The following ACOT7 variants were observed in gnomAD, a reference collection of about 807,000 sequenced individuals.
ACOT7 encodes the protein cytosolic acyl coenzyme A thioester hydrolase.
A neutral mutation model predicts 40.2 loss-of-function variants in ACOT7; 12 were observed. The observed-to-expected ratio is 0.30, with a 90% CI of 0.19 to 0.48. ACOT7 has a LOEUF of 0.48. Ranked by LOEUF, ACOT7 falls within the 20% of genes least tolerant of loss-of-function variation. The pLI is 0.99. For synonymous variants in ACOT7, 228 were observed against 219.5 expected, an observed-to-expected ratio of 1.04 and a Z score of -0.34; for missense variants, 395 against 530.8, an observed-to-expected ratio of 0.74 and a Z score of 2.51.
At chr1:6,287,101 A>G (rs943743689) in intron 7 of ACOT7, among the ~76,000 whole-genome samples, 8 of 152,208 alleles carry the variant, frequency 5.3e-5, no homozygotes, top group African/African-American at 1.7e-4. Flanking sequence ...ATGCATTTTC[A>G]AGCTGCCTGA....
intron 6 of ACOT7, among the ~76,000 whole-genome samples, chr1:6,298,960 G>T (rs1639887835): frequency 6.6e-6 from 1 of 152,244 alleles, no homozygotes; most frequent in African/African-American, 2.4e-5. Context: ...CCCTACCACA[G>T]TGTGGTTCAG....
At chr1:6,334,045 T>C in intron 3 of ACOT7, among the ~76,000 whole-genome samples, 1 of 152,176 alleles carries the variant, frequency 6.6e-6, no homozygotes. Context: ...GGCAACCTCC[T>C]CTTCCTGGTG....
At chr1:6,269,595 G>A (rs1391246934) in intron 8 of ACOT7, among the ~76,000 whole-genome samples, 2 of 152,272 alleles carry the variant, frequency 1.3e-5, no homozygotes, top group Non-Finnish European at 2.9e-5. Flanking sequence ...TCGGCTCCAG[G>A]CTGAGGGAGA....
At chr1:6,325,691 C>A (rs755191267) in intron 5 of ACOT7, among the ~76,000 whole-genome samples, 3 of 152,144 alleles carry the variant, frequency 2.0e-5, no homozygotes, top group Non-Finnish European at 4.4e-5. Flanking sequence ...CCTGTTCAAG[C>A]CTCAAGTTGA....
intron 2 of ACOT7, among the ~76,000 whole-genome samples, chr1:6,344,266 T>C (rs1391281168): frequency 6.6e-6 from 1 of 152,118 alleles, no homozygotes; most frequent in Non-Finnish European, 1.5e-5. Context: ...CAAAAGCAGG[T>C]TCACTCAAAG....
At chr1:6,302,591 T>C (rs1207133175) in intron 6 of ACOT7, among the ~76,000 whole-genome samples, 1 of 151,698 alleles carries the variant, frequency 6.6e-6, no homozygotes, top group Non-Finnish European at 1.5e-5. Context: ...GAGAAAAACA[T>C]AGAAAAACCA....
At chr1:6,335,675 TTCC>T (rs1355432809) in intron 3 of ACOT7, among the ~76,000 whole-genome samples, 11 of 152,212 alleles carry the variant, frequency 7.2e-5, no homozygotes, top group African/African-American at 2.6e-4. Flanking sequence ...CAAAGCGCTT[TTCC>T]TCCTCAATAA....
intron 1 of ACOT7, among the ~76,000 whole-genome samples, chr1:6,392,187 T>G (rs959950751): frequency 6.6e-6 from 1 of 152,136 alleles, no homozygotes; most frequent in Non-Finnish European, 1.5e-5. Flanking sequence ...TACAGGAAAG[T>G]AACTTGCTTC....
At chr1:6,356,704 G>A (rs1452652573) in intron 1 of ACOT7, among the ~76,000 whole-genome samples, 1 of 152,066 alleles carries the variant, frequency 6.6e-6, no homozygotes. Flanking sequence ...GGATCATGAG[G>A]TCAGGAGTTT....
At position 6,359,022 on chromosome 1, in the gene ACOT7, G is replaced by T; in HGVS notation, c.144-9156C>A. The T allele has an allele frequency of 1.9e-6, 2 of 1,043,042 alleles. No homozygotes were observed. Among genetic ancestry groups the T allele is most frequent in the Non-Finnish European group, 1.3e-6 (1 of 752,394 alleles). 64.6% of individuals were successfully genotyped at this position (1,043,042 alleles called of 1,614,324 possible). A position where few individuals can be genotyped will look rare whatever the true frequency, so the allele number is the denominator to read the frequency against. ...AATCTGGCCAGGAAGAGGCTGCCTC[G>T]CCAATCCAGAGCGTCTACCAGAAAC... On this transcript the variant is annotated intron_variant, in intron 1 of 8. Transcript: ENST00000361521. This position sits in a 1 kb window ranked among gnomAD's most constrained non-coding sequence, Gnocchi z 4.1.
chr1:6,339,888 CGCTGGGACTACAGCGGGCCTTCCGAGTA>C lies in ACOT7; in HGVS notation c.262-327_262-300del, dbSNP rs1197650497. On this transcript the variant is annotated intron_variant, in intron 2 of 8. Transcript: ENST00000361521. ...CCGAGTAGCTAGGACTACAGGCGCCCGCTGGGACTACAGCGGGCCTTCCGAGTAGCTGGGACTACAGCCACCACGCCCA... is the reference window on the plus strand; with the variant it reads ...CCGAGTAGCTAGGACTACAGGCGCCCGCTGGGACTACAGCCACCACGCCCA... Among the ~76,000 whole-genome samples, 59 of 150,364 alleles carry C rather than the reference CGCTGGGACTACAGCGGGCCTTCCGAGTA, an allele frequency of 3.9e-4. 1 individual carries two copies. In the East Asian group the frequency reaches 6.4e-3, roughly 16 times the overall value.
rs1639130480 is a variant in ACOT7, at chr1:6,274,428, G to T, written c.1014+6674C>A. Among the ~76,000 whole-genome samples, 1 of 152,216 alleles carries T rather than the reference G, an allele frequency of 6.6e-6. No individual in the cohort carries two copies. Among genetic ancestry groups the T allele is most frequent in the Non-Finnish European group, 1.5e-5 (1 of 68,030 alleles). On this transcript the variant is annotated intron_variant, in intron 8 of 8. Transcript: ENST00000361521. This position sits in a 1 kb window ranked among gnomAD's most constrained non-coding sequence, Gnocchi z 5.9. ...CCCTGGGGCCCATCCCGCCCCTCCA[G>T]CTGAACAGCAGGTCAAACAGTGCCC... is the stretch of plus-strand genomic sequence containing the variant.
intron 8 of ACOT7, among the ~76,000 whole-genome samples, chr1:6,265,692 C>T (rs1006997127): frequency 6.6e-6 from 1 of 152,210 alleles, no homozygotes; most frequent in Admixed American, 6.5e-5. Flanking sequence ...GTCCCAACGC[C>T]ATGTTCTGAC....
chr1:6,314,267 G>A (rs1365495590), intron 6 of ACOT7, among the ~76,000 whole-genome samples: 2 of 152,160 alleles, frequency 1.3e-5, no homozygotes, highest in East Asian at 3.8e-4. Flanking sequence ...CAGCAACAGA[G>A]CCTCATGCTT....
rs971976108 is a variant in ACOT7 at position 6,278,297 on chromosome 1, C to A, written c.1014+2805G>T. On this transcript the variant is annotated intron_variant, in intron 8 of 8. Coordinates refer to ENST00000361521, the MANE Select transcript of ACOT7 (RefSeq NM_007274.4). This position sits in a 1 kb window ranked among gnomAD's most constrained non-coding sequence, Gnocchi z 4.1. ...GGCATGGAGGAGCCACCGTGCATTTCGGTGGGAGAGGGAGCAACTCGGATT... is the reference window on the plus strand; with the variant it reads ...GGCATGGAGGAGCCACCGTGCATTTAGGTGGGAGAGGGAGCAACTCGGATT... Among the ~76,000 whole-genome samples, 1 of 152,110 alleles carries A rather than the reference C, an allele frequency of 6.6e-6. No homozygotes were observed. Among genetic ancestry groups the A allele is most frequent in the African/African-American group, 2.4e-5 (1 of 41,404 alleles).
At chr1:6,280,706 C>T (rs951295688) in intron 8 of ACOT7, among the ~76,000 whole-genome samples, 4 of 152,194 alleles carry the variant, frequency 2.6e-5, no homozygotes, top group Admixed American at 2.6e-4. Flanking sequence ...ACCCAGGGCA[C>T]GGTCCTCATC....
intron 7 of ACOT7, among the ~76,000 whole-genome samples, chr1:6,293,080 A>G (rs530125560): frequency 5.3e-5 from 8 of 152,010 alleles, no homozygotes; most frequent in Non-Finnish European, 1.2e-4. Flanking sequence ...TAGTAGAGAC[A>G]GGTTTTCACC....
intron 3 of ACOT7, among the ~76,000 whole-genome samples, chr1:6,335,620 G>A (rs1641079469): frequency 6.6e-6 from 1 of 152,186 alleles, no homozygotes; most frequent in South Asian, 2.1e-4. Flanking sequence ...AAAACCCCCA[G>A]AGGAGCTCAC....
intron 4 of ACOT7, among the ~76,000 whole-genome samples, chr1:6,327,693 G>T (rs1388784776): frequency 6.6e-6 from 1 of 152,174 alleles, no homozygotes; most frequent in Non-Finnish European, 1.5e-5. Flanking sequence ...GCTGTATGTG[G>T]AGCTTAAAAG....
Sources: allele counts gnomAD v4.1 joint callset (sites outside exome capture counted in the v4.1 genomes callset), GRCh38; gene constraint gnomAD v4.1.1; non-coding constraint Gnocchi (gnomAD v3.1); transcripts MANE v1.5; gene names NCBI Gene and HGNC (gene_info 2026-07-23, HGNC 2026-07-21).